The following NFIB variants were observed in gnomAD, a reference collection of about 807,000 sequenced individuals.
The protein encoded by NFIB is nuclear factor I B.
A neutral mutation model predicts 61.5 loss-of-function variants in NFIB; 11 were observed. The observed-to-expected ratio is 0.18, with a 90% CI of 0.11 to 0.30. The LOEUF (loss-of-function observed/expected upper bound fraction) is 0.30, where lower values mean the gene tolerates loss of function less well. Ranked by LOEUF, NFIB falls within the 10% of genes least tolerant of loss-of-function variation. NFIB has a pLI of 1.00. For synonymous variants in NFIB, 260 were observed against 216.5 expected (o/e 1.20, Z -1.76); for missense variants, 471 against 608.9 (o/e 0.77, Z 2.38).
chr9:14,486,299 T>C, the NFIB span, among the ~76,000 whole-genome samples: 1 of 152,096 alleles, frequency 6.6e-6, no homozygotes, highest in Non-Finnish European at 1.5e-5. Flanking sequence ...AGAGTAGCCA[T>C]CTTTTGAAAC....
chr9:14,159,385 A>C (rs942677169), intron 3 of NFIB, among the ~76,000 whole-genome samples: 6 of 152,192 alleles, frequency 3.9e-5, no homozygotes, highest in Admixed American at 3.9e-4. Context: ...AAATGCAAAA[A>C]ACCACAGAGG....
intron 3 of NFIB, among the ~76,000 whole-genome samples, chr9:14,167,399 G>A (rs1468457116): frequency 1.3e-5 from 2 of 152,066 alleles, no homozygotes; most frequent in African/African-American, 2.4e-5. Context: ...ATAGCATGGT[G>A]GTACGCGCCT....
chr9:14,415,253 C>A, the NFIB span, among the ~76,000 whole-genome samples: 1 of 152,300 alleles, frequency 6.6e-6, no homozygotes, highest in South Asian at 2.1e-4. Context: ...TGGTTGCTTG[C>A]CACATGGACT....
At chr9:14,181,180 T>C (rs927832916) in intron 2 of NFIB, among the ~76,000 whole-genome samples, 2 of 152,226 alleles carry the variant, frequency 1.3e-5, no homozygotes, top group Admixed American at 6.5e-5. Flanking sequence ...CTTTGCCTCA[T>C]GCCTGTTAGC....
chr9:14,261,999 G>A (rs1249461038), intron 2 of NFIB, among the ~76,000 whole-genome samples: 3 of 152,154 alleles, frequency 2.0e-5, no homozygotes, highest in Non-Finnish European at 2.9e-5. Flanking sequence ...AGAGACCTAA[G>A]GCTGCTTCTT....
chr9:14,103,608 C>G (rs994534903), intron 10 of NFIB, among the ~76,000 whole-genome samples: 4 of 152,020 alleles, frequency 2.6e-5, no homozygotes, highest in Non-Finnish European at 5.9e-5. Context: ...CTTTACTTTC[C>G]CTTTTAGACT....
At chr9:14,373,968 T>G (rs1288279845) in intron 1 of NFIB, among the ~76,000 whole-genome samples, 1 of 152,210 alleles carries the variant, frequency 6.6e-6, no homozygotes. Flanking sequence ...TTCAAGCAAT[T>G]ATGCGATGTG....
chr9:14,400,585 A>G (rs779749911), upstream of NFIB, among the ~76,000 whole-genome samples: 1 of 152,210 alleles, frequency 6.6e-6, no homozygotes, highest in Non-Finnish European at 1.5e-5. Flanking sequence ...ACAAGAAAAT[A>G]AACCAACCAA....
intron 2 of NFIB, among the ~76,000 whole-genome samples, chr9:14,211,040 T>C (rs1432187874): frequency 6.6e-6 from 1 of 152,198 alleles, no homozygotes; most frequent in Non-Finnish European, 1.5e-5. Flanking sequence ...AGCCAGATAC[T>C]CAACAATCAT....
At chr9:14,308,858 A>G (rs2060150792) in intron 1 of NFIB, among the ~76,000 whole-genome samples, 1 of 152,192 alleles carries the variant, frequency 6.6e-6, no homozygotes, top group Non-Finnish European at 1.5e-5. Context: ...TTACCTACAG[A>G]TATTTCAAGT....
chr9:14,155,730 T>C (rs1311741282), intron 4 of NFIB, 95 bp downstream of exon 4: 4 of 601,568 alleles, frequency 6.6e-6, no homozygotes, highest in African/African-American at 2.0e-5. Context: ...ATTTTCCTAA[T>C]ATGTGGTCAC....
intron 1 of NFIB, among the ~76,000 whole-genome samples, chr9:14,336,740 CTTTA>C (rs112686351): frequency 0.89 from 135,002 of 150,984 alleles, 62,247 homozygotes; most frequent in Non-Finnish European, 1. Context: ...CATCGAAACA[CTTTA>C]TTTATTTATT....
At chr9:14,171,323 T>G (rs373722392) in intron 3 of NFIB, among the ~76,000 whole-genome samples, 1 of 152,232 alleles carries the variant, frequency 6.6e-6, no homozygotes, top group Admixed American at 6.5e-5. Context: ...CTACAACCTC[T>G]TGTTCATCCT....
rs1455695336 is a variant in NFIB at position 14,311,439 on chromosome 9, G to C, written c.30+2043C>G. 4.6e-5 allele frequency among the ~76,000 whole-genome samples: 7 copies of C among 152,132 alleles called. No individual in the cohort carries two copies. In the South Asian group the frequency reaches 1.4e-3, roughly 31 times the overall value. On this transcript the variant is annotated intron_variant, in intron 1 of 10. Transcript: ENST00000380953. Reference sequence around the variant, plus strand: ...CCTGCAAAGTCACATGGAGCTTAGTGAAGTGAAAATTCTTAAGCTGAAATT... The same window carrying C: ...CCTGCAAAGTCACATGGAGCTTAGTCAAGTGAAAATTCTTAAGCTGAAATT...
At chr9:14,371,660 G>C (rs2061359839) in intron 1 of NFIB, among the ~76,000 whole-genome samples, 1 of 152,162 alleles carries the variant, frequency 6.6e-6, no homozygotes, top group Non-Finnish European at 1.5e-5. Context: ...TAAGAACATA[G>C]GTTTTTACTT....
rs1165463953 is a variant in NFIB at position 14,313,357 on chromosome 9, G to A, written c.30+125C>T. On this transcript the variant is annotated intron_variant, in intron 1 of 10. Coordinates refer to ENST00000380953, the MANE Select transcript of NFIB (RefSeq NM_001190737.2). The surrounding 1 kb of genome is among the most constrained non-coding windows in gnomAD (Gnocchi z 4.5). ...GCCCCGCGACGCCCGCTGCAACTCC[G>A]GGCCACTTCTCCAAGGGACGGGGAT... The A allele has an allele frequency of 1.4e-6, 2 of 1,380,490 alleles. No individual in the cohort carries two copies. Among genetic ancestry groups the A allele is most frequent in the African/African-American group, 1.5e-5 (1 of 66,952 alleles). 85.5% of individuals were successfully genotyped at this position (1,380,490 alleles called of 1,614,324 possible). A position where few individuals can be genotyped will look rare whatever the true frequency, so the allele number is the denominator to read the frequency against.
chr9:14,329,713 C>T (rs926151211), intron 1 of NFIB, among the ~76,000 whole-genome samples: 1 of 151,650 alleles, frequency 6.6e-6, no homozygotes, highest in Non-Finnish European at 1.5e-5. Context: ...TGGAGTTTCA[C>T]CATATTGCCC....
At chr9:14,320,247 C>T (rs764767787) in intron 1 of NFIB, among the ~76,000 whole-genome samples, 2 of 152,210 alleles carry the variant, frequency 1.3e-5, no homozygotes, top group Non-Finnish European at 2.9e-5. Context: ...TTCAACAATA[C>T]TTGGCTTTAA....
chr9:14,112,907 C>G (rs1302887091), intron 10 of NFIB, 92 bp downstream of exon 10: 24 of 1,193,164 alleles, frequency 2.0e-5, no homozygotes, highest in Non-Finnish European at 2.8e-5. Context: ...GCCCCGGGAG[C>G]CCCCTTCTGA....
Sources: gnomAD v4.1 joint callset for allele counts (sites outside exome capture counted in the v4.1 genomes callset) on GRCh38, gnomAD v4.1.1 for gene constraint, Gnocchi (gnomAD v3.1) non-coding constraint, MANE v1.5 for transcripts, NCBI Gene and HGNC (gene_info 2026-07-23, HGNC 2026-07-21) for gene names.